WDR33: variants seen among roughly 807,000 people sequenced by gnomAD.
WDR33 encodes the protein pre-mRNA 3' end processing protein WDR33.
In WDR33, 47 loss-of-function variants were observed where a neutral mutation model predicts 164.9. The observed-to-expected ratio is 0.29, with a 90% CI of 0.23 to 0.36. WDR33 has a LOEUF of 0.36. Ranked by LOEUF, WDR33 falls within the 10% of genes least tolerant of loss-of-function variation. The pLI is 1.00. For missense variants in WDR33, 1,137 were observed against 1,754.1 expected (o/e 0.65, Z 6.28); for synonymous variants, 505 against 589.0 (o/e 0.86, Z 2.06).
chr2:127,703,153 T>A lies in WDR33; in HGVS notation c.*3170A>T, dbSNP rs1685934555. On this transcript the variant is annotated 3_prime_UTR_variant, in exon 22 of 22. Transcript: ENST00000322313. ...AGTCCAGAAAACTACGTTTTGTCAG[T>A]AGCAATACACTAGGAAGTAAAATAT... 1.2e-5 allele frequency: 2 copies of A among 167,060 alleles called. No individual in the cohort carries two copies. The highest frequency in any genetic ancestry group is 4.8e-5 in the African/African-American group (2 of 41,450). 10.3% of individuals were successfully genotyped at this position (167,060 alleles called of 1,614,324 possible). A position where few individuals can be genotyped will look rare whatever the true frequency, so the allele number is the denominator to read the frequency against.
At position 127,811,140 on chromosome 2, in the gene WDR33, T is replaced by C. The variant is rs570672315; in HGVS notation, c.-152A>G. 6.5e-6 allele frequency: 1 copy of C among 152,786 alleles called. No homozygotes were observed. The highest frequency in any genetic ancestry group is 2.4e-5 in the African/African-American group (1 of 41,466). The allele number at this position is 152,786 out of a possible 1,614,324, so 9.5% of individuals were successfully genotyped here. ...CGCTCCTCCAAAGGAGCAGCCGCCA[T>C]CTTCCCCTATGGGCCACCGAACGCA... On this transcript the variant is annotated 5_prime_UTR_variant, in exon 1 of 22. An upstream start codon of the reference 5' UTR is lost. Transcript: ENST00000322313. The surrounding 1 kb of genome is among the most constrained non-coding windows in gnomAD (Gnocchi z 4.1).
rs1167919728 is a variant in WDR33, at chr2:127,724,628, C to A, written c.1086-185G>T. 1.3e-5 allele frequency among the ~76,000 whole-genome samples: 2 copies of A among 152,166 alleles called. No individual in the cohort carries two copies. The highest frequency in any genetic ancestry group is 4.8e-5 in the African/African-American group (2 of 41,438). On this transcript the variant is annotated intron_variant, in intron 10 of 21. Coordinates refer to ENST00000322313, the MANE Select transcript of WDR33 (RefSeq NM_018383.5). The surrounding 1 kb of genome is among the most constrained non-coding windows in gnomAD (Gnocchi z 4.8). ...TGCCAAAGGACAGTTACCCTTTCAT[C>A]CAAAGAGCACTTCACAGGGGAAAAG...
chr2:127,765,387 C>T (rs1217818247), intron 4 of WDR33, 118 bp from the exon 5 acceptor site: 2 of 725,624 alleles, frequency 2.8e-6, no homozygotes, highest in Middle Eastern at 2.5e-4. Context: ...CTGACTTTCA[C>T]TTAAATGTAG....
At chr2:127,756,097 G>T (rs1015124817) in intron 7 of WDR33, among the ~76,000 whole-genome samples, 16 of 152,074 alleles carry the variant, frequency 1.1e-4, no homozygotes, top group Admixed American at 7.9e-4. Context: ...ACTTTGGGAG[G>T]CTGAGACGAG....
rs1321196281 is a variant in WDR33 at position 127,750,749 on chromosome 2, T to C, written c.724+12313A>G. ...ATACATATATATGTATGCATACATA[T>C]ATATGTATACATACATATATATACA... is the stretch of plus-strand genomic sequence containing the variant. On this transcript the variant is annotated intron_variant, in intron 7 of 21. Transcript: ENST00000322313. Among the ~76,000 whole-genome samples the C allele has an allele frequency of 3.1e-5, 4 of 129,718 alleles. No individual in the cohort carries two copies. In the East Asian group the frequency reaches 8.9e-4, roughly 29 times the overall value. The allele number at this position is 129,718 out of a possible 152,430, so 85.1% of individuals were successfully genotyped here.
chr2:127,711,424 CAAA>C (rs1197934586), intron 18 of WDR33, among the ~76,000 whole-genome samples: 1 of 53,756 alleles, frequency 1.9e-5, no homozygotes. Context: ...GATTCCCTCT[CAAA>C]AAAAAAAAAA....
At chr2:127,796,556 C>CA (rs879722903) in intron 1 of WDR33, among the ~76,000 whole-genome samples, 5 of 151,988 alleles carry the variant, frequency 3.3e-5, no homozygotes, top group Non-Finnish European at 7.4e-5. Context: ...CCTGACTCTA[C>CA]AAAAAAATCA....
At position 127,726,880 on chromosome 2, in the gene WDR33, A is replaced by G; in HGVS notation, c.725-103T>C. 1 of 1,470,460 alleles carries G rather than the reference A, an allele frequency of 6.8e-7. No individual in the cohort carries two copies. The highest frequency in any genetic ancestry group is 9.2e-7 in the Non-Finnish European group (1 of 1,087,834). The allele number at this position is 1,470,460 out of a possible 1,614,324, so 91.1% of individuals were successfully genotyped here. ...AGTAAATGTTTTGCTCTCAGTGCTC[A>G]GTCAACTTAAAACTTGTTTTGTGAA... is the stretch of plus-strand genomic sequence containing the variant. On this transcript the variant is annotated intron_variant, in intron 7 of 21. Coordinates refer to ENST00000322313, the MANE Select transcript of WDR33 (RefSeq NM_018383.5). This position sits in a 1 kb window ranked among gnomAD's most constrained non-coding sequence, Gnocchi z 4.8.
rs35345585 is a variant in WDR33, at chr2:127,783,599, CTTTTTTTTTT to C, written c.-23-12605_-23-12596del. On this transcript the variant is annotated intron_variant, in intron 1 of 21. Coordinates refer to ENST00000322313, the MANE Select transcript of WDR33 (RefSeq NM_018383.5). Reference sequence around the variant, plus strand: ...CTTCAGCTATTTTATTTCAGGACTCCTTTTTTTTTTTTTTTTTTTTTTTTTGAGACAGTCT... The same window carrying C: ...CTTCAGCTATTTTATTTCAGGACTCCTTTTTTTTTTTTTTTGAGACAGTCT... Among the ~76,000 whole-genome samples, 67 of 84,412 alleles carry C rather than the reference CTTTTTTTTTT, an allele frequency of 7.9e-4. No homozygotes were observed. The East Asian group carries it at 9.9e-3, about 12-fold the overall frequency. 55.4% of individuals were successfully genotyped at this position (84,412 alleles called of 152,430 possible).
intron 1 of WDR33, among the ~76,000 whole-genome samples, chr2:127,788,289 C>G (rs865939280): frequency 9.0e-6 from 1 of 110,728 alleles, no homozygotes. Flanking sequence ...GCCGGCCGGG[C>G]GGGGGGCTGA....
At chr2:127,787,571 T>C in intron 1 of WDR33, among the ~76,000 whole-genome samples, 1 of 100,856 alleles carries the variant, frequency 9.9e-6, no homozygotes, top group Non-Finnish European at 2.0e-5. Flanking sequence ...ACGGGGCGGC[T>C]GGCCGGGCAG....
Position 127,765,169 on chromosome 2 carries a change from A to G in WDR33, c.474+5T>C. The G allele has an allele frequency of 2.5e-6, 4 of 1,611,480 alleles. No homozygotes were observed. The highest frequency in any genetic ancestry group is 3.4e-6 in the Non-Finnish European group (4 of 1,177,866). The stretch of plus-strand genomic sequence containing the variant: ...ATGATGATACCATCTGGTGATTATC[A>G]TTACCTGTAATATTGTTTCAAAATT... On this transcript the variant is annotated splice_donor_5th_base_variant and intron_variant, in intron 5 of 21. Coordinates refer to ENST00000322313, the MANE Select transcript of WDR33 (RefSeq NM_018383.5).
intron 1 of WDR33, among the ~76,000 whole-genome samples, chr2:127,779,846 C>G (rs1401915046): frequency 6.6e-6 from 1 of 152,170 alleles, no homozygotes; most frequent in African/African-American, 2.4e-5. Flanking sequence ...ATCAGAGCTT[C>G]CAATCAGAAC....
At chr2:127,737,674 G>A (rs1686888840) in intron 7 of WDR33, 1 of 1,050,344 alleles carries the variant, frequency 9.5e-7, no homozygotes, top group African/African-American at 1.7e-5. Flanking sequence ...CCCTGGTAAG[G>A]AAGAAAACGC....
At position 127,710,112 on chromosome 2, in the gene WDR33, G is replaced by A. The variant is rs1477172850; in HGVS notation, c.3309-256C>T. On this transcript the variant is annotated intron_variant, in intron 18 of 21. Coordinates refer to ENST00000322313, the MANE Select transcript of WDR33 (RefSeq NM_018383.5). This position sits in a 1 kb window ranked among gnomAD's most constrained non-coding sequence, Gnocchi z 4.4. ...CTTTTAGGCTTTTAGGTATATACAA[G>A]TATTACTTCATTTCATTCATTTCAT... 2.0e-5 allele frequency among the ~76,000 whole-genome samples: 3 copies of A among 152,194 alleles called. No homozygotes were observed.
chr2:127,742,144 C>T (rs1431561765), intron 7 of WDR33, among the ~76,000 whole-genome samples: 1 of 151,984 alleles, frequency 6.6e-6, no homozygotes, highest in African/African-American at 2.4e-5. Context: ...ACTTGGGAGG[C>T]AGAGGTTGCA....
chr2:127,733,724 CAAAA>C (rs1321418411), intron 7 of WDR33, among the ~76,000 whole-genome samples: 1 of 151,628 alleles, frequency 6.6e-6, no homozygotes, highest in Non-Finnish European at 1.5e-5. Context: ...AAACAAAAAA[CAAAA>C]AAACCCTATT....
At position 127,770,761 on chromosome 2, in the gene WDR33, A is replaced by G; in HGVS notation, c.204+17T>C. On this transcript the variant is annotated intron_variant, in intron 2 of 21. Transcript: ENST00000322313. The surrounding 1 kb of genome is among the most constrained non-coding windows in gnomAD (Gnocchi z 4.9). ...TAACCAAAGTTTGGTCATCTGAAGC[A>G]CATAAATCAGGCTTACCTCCAAATA... 6.4e-7 allele frequency: 1 copy of G among 1,570,776 alleles called. No individual in the cohort carries two copies. The highest frequency in any genetic ancestry group is 8.7e-7 in the Non-Finnish European group (1 of 1,152,118).
At chr2:127,748,140 C>T (rs535573024) in intron 7 of WDR33, among the ~76,000 whole-genome samples, 2 of 152,280 alleles carry the variant, frequency 1.3e-5, no homozygotes, top group African/African-American at 2.4e-5. Flanking sequence ...CATAGAATTG[C>T]CTCTGTTTTC....
Sources: gnomAD v4.1 joint callset for allele counts (sites outside exome capture counted in the v4.1 genomes callset) on GRCh38, gnomAD v4.1.1 for gene constraint, Gnocchi (gnomAD v3.1) non-coding constraint, MANE v1.5 for transcripts, NCBI Gene and HGNC (gene_info 2026-07-23, HGNC 2026-07-21) for gene names.